Variants in SLC2A13 observed in about 807,000 individuals in gnomAD.
The protein encoded by SLC2A13 is proton myo-inositol cotransporter.
SLC2A13 carries 32 observed loss-of-function variants against 64.4 expected under a neutral mutation model. That is an observed-to-expected ratio of 0.50 (90% CI 0.37 to 0.67). SLC2A13 has a LOEUF of 0.67. Among genes scored for constraint, SLC2A13 ranks in the 30% least tolerant of loss-of-function variants. The probability of loss-of-function intolerance (pLI) is 0.00; values close to 1 mark genes in which losing one functional copy is unlikely to be tolerated. For missense variants in SLC2A13, 743 were observed against 829.2 expected (o/e 0.90, Z 1.28); for synonymous variants, 338 against 327.1 (o/e 1.03, Z -0.36).
At chr12:39,766,948 A>G (rs1940373876) in intron 7 of SLC2A13, among the ~76,000 whole-genome samples, 1 of 152,068 alleles carries the variant, frequency 6.6e-6, no homozygotes, top group South Asian at 2.1e-4. Context: ...AGTCATCCAT[A>G]AAGGTTGGAA....
chr12:39,985,710 G>C (rs1264984600), intron 3 of SLC2A13, among the ~76,000 whole-genome samples: 1 of 152,080 alleles, frequency 6.6e-6, no homozygotes, highest in Non-Finnish European at 1.5e-5. Flanking sequence ...ATACCTTATA[G>C]TCTGCCCATT....
intron 7 of SLC2A13, among the ~76,000 whole-genome samples, chr12:39,803,258 C>G (rs904701787): frequency 6.7e-6 from 1 of 148,412 alleles, no homozygotes; most frequent in African/African-American, 2.5e-5. Context: ...AGAGGCTGCA[C>G]AGGATTGCCA....
At chr12:39,954,799 C>A (rs1457739754) in intron 3 of SLC2A13, among the ~76,000 whole-genome samples, 4 of 152,138 alleles carry the variant, frequency 2.6e-5, no homozygotes, top group Non-Finnish European at 5.9e-5. Context: ...ACCAATTCAT[C>A]AAGAGAATAT....
chr12:39,949,526 A>T (rs1311387157), intron 4 of SLC2A13: 2 of 152,224 alleles, frequency 1.3e-5, no homozygotes, highest in Non-Finnish European at 2.9e-5. Context: ...ATTTGACAGC[A>T]TCAATCAGCT....
intron 2 of SLC2A13, among the ~76,000 whole-genome samples, chr12:40,033,183 T>C (rs1194698194): frequency 6.6e-6 from 1 of 152,212 alleles, no homozygotes; most frequent in Admixed American, 6.5e-5. Flanking sequence ...GAACTACAGT[T>C]AAAATCCAGG....
chr12:40,004,071 A>G (rs2136186395), intron 3 of SLC2A13, among the ~76,000 whole-genome samples: 1 of 152,340 alleles, frequency 6.6e-6, no homozygotes, highest in Non-Finnish European at 1.5e-5. Context: ...AAAAAAAGAT[A>G]GTATAACAAC....
chr12:39,822,102 A>C (rs1285709885), intron 7 of SLC2A13, among the ~76,000 whole-genome samples: 2 of 122,118 alleles, frequency 1.6e-5, no homozygotes, highest in Non-Finnish European at 3.2e-5. Context: ...CCAGAGTGTG[A>C]TGTTCCCCTT....
chr12:39,969,334 C>T lies in SLC2A13; in HGVS notation c.926-17969G>A, dbSNP rs1008253199. On this transcript the variant is annotated intron_variant, in intron 3 of 9. Transcript: ENST00000280871. ...ATACCCAGTAATGGGATTGCTGGGTCAAATGGTATTTCTAGTTCTAGATCC... is the reference window on the plus strand; with the variant it reads ...ATACCCAGTAATGGGATTGCTGGGTTAAATGGTATTTCTAGTTCTAGATCC... Among the ~76,000 whole-genome samples, 25 of 152,126 alleles carry T rather than the reference C, an allele frequency of 1.6e-4. 1 individual carries two copies.
At chr12:39,860,624 C>G (rs1437414015) in intron 6 of SLC2A13, among the ~76,000 whole-genome samples, 2 of 152,220 alleles carry the variant, frequency 1.3e-5, no homozygotes, top group Non-Finnish European at 2.9e-5. Flanking sequence ...ATTGCTGCAT[C>G]TTATTTTTAT....
chr12:39,903,672 A>AT (rs1945195903), intron 4 of SLC2A13, among the ~76,000 whole-genome samples: 1 of 152,092 alleles, frequency 6.6e-6, no homozygotes, highest in Non-Finnish European at 1.5e-5. Flanking sequence ...TTCTGATAAC[A>AT]AGGATATATA....
chr12:39,890,634 T>C (rs1377972768), intron 4 of SLC2A13, among the ~76,000 whole-genome samples: 1 of 152,226 alleles, frequency 6.6e-6, no homozygotes, highest in Non-Finnish European at 1.5e-5. Context: ...GGTTTTCTTT[T>C]ATTTTTAATT....
chr12:39,890,355 T>C (rs1442710008), intron 4 of SLC2A13, among the ~76,000 whole-genome samples: 1 of 152,182 alleles, frequency 6.6e-6, no homozygotes, highest in African/African-American at 2.4e-5. Context: ...AGAATATCTA[T>C]CCTCAAAGCT....
intron 1 of SLC2A13, among the ~76,000 whole-genome samples, chr12:40,071,820 T>C (rs886981899): frequency 1.1e-4 from 17 of 152,160 alleles, no homozygotes; most frequent in African/African-American, 3.9e-4. Flanking sequence ...TGTGGTCTCT[T>C]TTTTTCTTAG....
intron 7 of SLC2A13, among the ~76,000 whole-genome samples, chr12:39,818,125 A>T (rs1416032625): frequency 6.6e-6 from 1 of 152,150 alleles, no homozygotes; most frequent in African/African-American, 2.4e-5. Flanking sequence ...GACTCAAGTG[A>T]CATCCCCAGG....
At chr12:39,981,509 A>G (rs202232921) in intron 3 of SLC2A13, among the ~76,000 whole-genome samples, 577 of 135,392 alleles carry the variant, frequency 4.3e-3, no homozygotes, top group Middle Eastern at 7.6e-3. Flanking sequence ...CACCGATCCC[A>G]CAGAAATACA....
At chr12:39,768,617 C>T (rs1474502274) in intron 7 of SLC2A13, among the ~76,000 whole-genome samples, 1 of 152,026 alleles carries the variant, frequency 6.6e-6, no homozygotes, top group South Asian at 2.1e-4. Context: ...AAGAAGGAAA[C>T]AGCTGGTTGG....
At chr12:39,994,200 C>G (rs1947186753) in intron 3 of SLC2A13, among the ~76,000 whole-genome samples, 2 of 151,896 alleles carry the variant, frequency 1.3e-5, no homozygotes, top group Non-Finnish European at 2.9e-5. Context: ...CCATCCTGGA[C>G]AGTGAAACCC....
chr12:39,906,097 A>G (rs1945270320), intron 4 of SLC2A13, among the ~76,000 whole-genome samples: 2 of 146,340 alleles, frequency 1.4e-5, no homozygotes. Flanking sequence ...AAATTCACCT[A>G]TGTTGGACAA....
At chr12:39,980,366 G>A (rs1384690351) in intron 3 of SLC2A13, among the ~76,000 whole-genome samples, 1 of 152,006 alleles carries the variant, frequency 6.6e-6, no homozygotes, top group African/African-American at 2.4e-5. Flanking sequence ...CCAATTAAAA[G>A]ACACAGACTG....
Sources: gnomAD v4.1 joint callset for allele counts (sites outside exome capture counted in the v4.1 genomes callset) on GRCh38, gnomAD v4.1.1 for gene constraint, MANE v1.5 for transcripts, NCBI Gene and HGNC (gene_info 2026-07-23, HGNC 2026-07-21) for gene names.